The following SATB1 variants were observed in gnomAD, a reference collection of about 807,000 sequenced individuals.
SATB1 encodes the protein SATB homeobox 1.
Under a neutral mutation model 86.9 loss-of-function variants are expected in SATB1, and 11 were observed. That is an observed-to-expected ratio of 0.13 (90% confidence interval 0.08 to 0.21). The LOEUF (loss-of-function observed/expected upper bound fraction) is 0.21, where lower values mean the gene tolerates loss of function less well. Ranked by LOEUF, SATB1 falls within the 10% of genes least tolerant of loss-of-function variation. The pLI, the probability that SATB1 is intolerant of heterozygous loss-of-function variation, is 1.00. For missense variants in SATB1, 551 were observed against 937.6 expected (o/e 0.59, Z 5.39); for synonymous variants, 357 against 357.2 (o/e 1.00, Z 0.01).
intron 5 of SATB1, among the ~76,000 whole-genome samples, chr3:18,399,637 G>T (rs930038570): frequency 2.0e-5 from 3 of 152,156 alleles, no homozygotes; most frequent in Non-Finnish European, 4.4e-5. Flanking sequence ...AAATTGGTAG[G>T]TTCTGGGCTT....
intron 9 of SATB1, among the ~76,000 whole-genome samples, chr3:18,376,616 T>C (rs1456900957): frequency 2.0e-5 from 3 of 151,998 alleles, no homozygotes; most frequent in Non-Finnish European, 4.4e-5. Flanking sequence ...TTCTCTTAAA[T>C]GCGTAGTCTT....
chr3:18,376,148 T>C (rs1426292871), intron 9 of SATB1, among the ~76,000 whole-genome samples: 2 of 152,018 alleles, frequency 1.3e-5, no homozygotes, highest in Non-Finnish European at 2.9e-5. Context: ...GCTGCTACTA[T>C]CTAAATAGCT....
intron 5 of SATB1, among the ~76,000 whole-genome samples, chr3:18,412,941 C>A (rs1697929509): frequency 6.6e-6 from 1 of 152,002 alleles, no homozygotes; most frequent in South Asian, 2.1e-4. Flanking sequence ...TACATGTTTT[C>A]ATATTATTAA....
At chr3:18,441,801 C>A (rs1453188222), upstream of SATB1, among the ~76,000 whole-genome samples, 1 of 152,120 alleles carries the variant, frequency 6.6e-6, no homozygotes, top group Non-Finnish European at 1.5e-5. Flanking sequence ...TAAAAATTCT[C>A]CTCCAGATAT....
chr3:18,425,766 G>A (rs1698667959), upstream of SATB1, among the ~76,000 whole-genome samples: 1 of 151,422 alleles, frequency 6.6e-6, no homozygotes, highest in Admixed American at 6.6e-5. Context: ...CGCCGGAGCG[G>A]GGAGGGGAGC....
At chr3:18,420,554 A>G (rs1206636942) in intron 2 of SATB1, 4 of 584,166 alleles carry the variant, frequency 6.8e-6, no homozygotes, top group Non-Finnish European at 1.2e-5. Flanking sequence ...TCCAGTCTAC[A>G]GTAGAACGCT....
Position 18,416,978 on chromosome 3 carries a change from A to G in SATB1, c.312T>C (p.Asp104=). ...TTTCGATCAGCTGGTTGAAAAGCATATCCTTTCTCACCAGCACAAATTCTG... is the reference window on the plus strand; with the variant it reads ...TTTCGATCAGCTGGTTGAAAAGCATGTCCTTTCTCACCAGCACAAATTCTG... ...EHAEFVLVRK[D]MLFNQLIEMA... The change falls in exon 3 of 11, where the codon GAT becomes GAC. Residue 104 remains aspartate, a synonymous_variant. Transcript: ENST00000338745. 1 of 1,613,708 alleles carries G rather than the reference A, an allele frequency of 6.2e-7. No individual in the cohort carries two copies. The highest frequency in any genetic ancestry group is 8.5e-7 in the Non-Finnish European group (1 of 1,179,706).
chr3:18,381,199 T>C (rs1696041620), intron 8 of SATB1, among the ~76,000 whole-genome samples: 2 of 152,326 alleles, frequency 1.3e-5, no homozygotes, highest in Non-Finnish European at 1.5e-5. Context: ...AAAAACTCTA[T>C]TTTGCTTCTT....
chr3:18,433,581 A>T (rs1357889642), intron 2 of SATB1, among the ~76,000 whole-genome samples: 1 of 152,050 alleles, frequency 6.6e-6, no homozygotes, highest in Non-Finnish European at 1.5e-5. Context: ...GTTTTTAATG[A>T]TTTGGAAATT....
chr3:18,354,802 C>A (rs1446054476), intron 9 of SATB1, among the ~76,000 whole-genome samples: 1 of 152,068 alleles, frequency 6.6e-6, no homozygotes, highest in Non-Finnish European at 1.5e-5. Context: ...AATTCCTAAA[C>A]AATCACACTC....
upstream of SATB1, among the ~76,000 whole-genome samples, chr3:18,439,541 T>C (rs891310245): frequency 2.0e-5 from 3 of 152,254 alleles, no homozygotes; most frequent in South Asian, 4.1e-4. Context: ...CAAGTTTAAA[T>C]AGACTTACCA....
At chr3:18,441,112 C>G (rs1477754473), upstream of SATB1, among the ~76,000 whole-genome samples, 1 of 152,140 alleles carries the variant, frequency 6.6e-6, no homozygotes, top group Non-Finnish European at 1.5e-5. Context: ...AAACCCCATT[C>G]CTTAATTCCA....
At chr3:18,443,188 T>C (rs917068675), upstream of SATB1, among the ~76,000 whole-genome samples, 3 of 152,202 alleles carry the variant, frequency 2.0e-5, no homozygotes, top group African/African-American at 7.2e-5. The surrounding 1 kb of genome is among the most constrained non-coding windows in gnomAD (Gnocchi z 4.4). Flanking sequence ...ACCGTAAATT[T>C]CAGATTGCTT....
intron 9 of SATB1, among the ~76,000 whole-genome samples, chr3:18,362,560 A>T (rs1444109925): frequency 1.3e-5 from 2 of 152,100 alleles, no homozygotes; most frequent in Non-Finnish European, 1.5e-5. Flanking sequence ...TTCAAAAAAA[A>T]AATAAGGTTC....
At chr3:18,415,287 C>G (rs1464045920) in intron 4 of SATB1, 53 bp from the exon 5 acceptor site, 3 of 1,602,140 alleles carry the variant, frequency 1.9e-6, no homozygotes, top group Non-Finnish European at 2.6e-6. Context: ...CATCCCGCTG[C>G]AGAACATTCC....
intron 9 of SATB1, among the ~76,000 whole-genome samples, chr3:18,375,040 G>A (rs1464401074): frequency 6.6e-6 from 1 of 152,078 alleles, no homozygotes; most frequent in African/African-American, 2.4e-5. Flanking sequence ...ACCTCCATTA[G>A]GTATGATAGA....
chr3:18,429,627 G>A (rs1344240189), upstream of SATB1, among the ~76,000 whole-genome samples: 2 of 152,186 alleles, frequency 1.3e-5, no homozygotes, highest in African/African-American at 4.8e-5. This position sits in a 1 kb window ranked among gnomAD's most constrained non-coding sequence, Gnocchi z 4.1. Context: ...TGAACTTGGG[G>A]AAAGGAAGCT....
At position 18,394,358 on chromosome 3, in the gene SATB1, GA is replaced by G. The variant is rs1696845335; in HGVS notation, c.1206+103del. 2.1e-6 allele frequency: 2 copies of G among 957,826 alleles called. No individual in the cohort carries two copies. The highest frequency in any genetic ancestry group is 4.9e-5 in the East Asian group (2 of 41,090). 59.3% of individuals were successfully genotyped at this position (957,826 alleles called of 1,614,324 possible). On this transcript the variant is annotated intron_variant, in intron 7 of 10. Transcript: ENST00000338745. The surrounding 1 kb of genome is among the most constrained non-coding windows in gnomAD (Gnocchi z 5.9). ...TAATATGATCACATGAAGAGAGAGA[GA>G]AAATGTTAGTACAGAAGTAAAAGAA... is the stretch of plus-strand genomic sequence containing the variant.
rs187540520 is a variant in SATB1 at position 18,379,122 on chromosome 3, T to A, written c.1420-797A>T. Among the ~76,000 whole-genome samples the A allele has an allele frequency of 2.0e-5, 3 of 152,270 alleles. No individual in the cohort carries two copies. The East Asian group carries it at 5.8e-4, about 29-fold the overall frequency. ...CTAATATATTCAAAAAGTACAATCT[T>A]GAGAGAAAAATCAGCATCAATGCCT... On this transcript the variant is annotated intron_variant, in intron 8 of 10. Transcript: ENST00000338745.
Sources: gnomAD v4.1 joint callset for allele counts (sites outside exome capture counted in the v4.1 genomes callset) on GRCh38, gnomAD v4.1.1 for gene constraint, Gnocchi (gnomAD v3.1) non-coding constraint, MANE v1.5 for transcripts, NCBI Gene and HGNC (gene_info 2026-07-23, HGNC 2026-07-21) for gene names.